The following PCDH15 variants were observed in gnomAD, a reference collection of about 807,000 sequenced individuals.
PCDH15 encodes protocadherin-15.
A neutral mutation model predicts 178.5 loss-of-function variants in PCDH15; 129 were observed. That is an observed-to-expected ratio of 0.72 (90% CI 0.63 to 0.84). The LOEUF (loss-of-function observed/expected upper bound fraction) is 0.84, where lower values mean the gene tolerates loss of function less well. Ranked by LOEUF, PCDH15 falls within the 40% of genes least tolerant of loss-of-function variation. The probability of loss-of-function intolerance (pLI) is 0.00; values close to 1 mark genes in which losing one functional copy is unlikely to be tolerated. For synonymous variants in PCDH15, 800 were observed against 732.0 expected, an observed-to-expected ratio of 1.09 and a Z score of -1.50; for missense variants, 2,230 against 2,099.9, an observed-to-expected ratio of 1.06 and a Z score of -1.21.
chr10:53,828,694 CAG>C (rs2076848560), intron 30 of PCDH15, 121 bp from the exon 31 acceptor site: 2 of 869,756 alleles, frequency 2.3e-6, no homozygotes, highest in South Asian at 3.0e-5. Flanking sequence ...TTCATAATGA[CAG>C]AGTTAATGAC....
At chr10:54,839,730 T>C (rs1226716331) in intron 3 of PCDH15, among the ~76,000 whole-genome samples, 2 of 152,052 alleles carry the variant, frequency 1.3e-5, no homozygotes, top group Non-Finnish European at 2.9e-5. Flanking sequence ...TTGCCAAATG[T>C]TAGACCAAAC....
At chr10:54,754,530 T>A (rs2133045053) in intron 1 of PCDH15, among the ~76,000 whole-genome samples, 1 of 152,318 alleles carries the variant, frequency 6.6e-6, no homozygotes, top group Middle Eastern at 3.4e-3. Flanking sequence ...GGAAAATTTT[T>A]GTATCAATTT....
chr10:55,616,039 C>A (rs1234186058), intron 2 of PCDH15, among the ~76,000 whole-genome samples: 1 of 152,176 alleles, frequency 6.6e-6, no homozygotes, highest in Non-Finnish European at 1.5e-5. Flanking sequence ...CAATTGAAAT[C>A]TGGAGTCAGA....
At chr10:54,847,802 T>A (rs1056540855) in intron 3 of PCDH15, among the ~76,000 whole-genome samples, 1 of 152,210 alleles carries the variant, frequency 6.6e-6, no homozygotes, top group Non-Finnish European at 1.5e-5. Flanking sequence ...AATTCACTAG[T>A]ATTTTTCTCC....
At chr10:55,557,695 T>C (rs917418082) in intron 2 of PCDH15, among the ~76,000 whole-genome samples, 3 of 152,070 alleles carry the variant, frequency 2.0e-5, no homozygotes, top group Admixed American at 2.0e-4. Context: ...TTCAGAGTAA[T>C]GAAGGATTGC....
At chr10:55,254,735 A>C (rs1841942440) in intron 1 of PCDH15, among the ~76,000 whole-genome samples, 1 of 152,142 alleles carries the variant, frequency 6.6e-6, no homozygotes, top group African/African-American at 2.4e-5. Flanking sequence ...ACATTTCATA[A>C]ATGGGGGAGG....
chr10:54,586,886 A>G (rs957254813), intron 2 of PCDH15, among the ~76,000 whole-genome samples: 1 of 152,182 alleles, frequency 6.6e-6, no homozygotes, highest in Non-Finnish European at 1.5e-5. Flanking sequence ...TTTCAAATGA[A>G]TTCCAAAAGT....
At chr10:55,567,769 G>A (rs962544600) in intron 2 of PCDH15, among the ~76,000 whole-genome samples, 1 of 151,678 alleles carries the variant, frequency 6.6e-6, no homozygotes, top group Non-Finnish European at 1.5e-5. Context: ...CGCGATGACT[G>A]GGTGTTCACA....
At chr10:54,853,123 G>C (rs1953656971) in intron 3 of PCDH15, among the ~76,000 whole-genome samples, 1 of 150,086 alleles carries the variant, frequency 6.7e-6, no homozygotes, top group African/African-American at 2.4e-5. Flanking sequence ...AGCTGGGCAT[G>C]GTGGCGCATG....
chr10:55,595,025 A>C (rs1324639955), intron 2 of PCDH15, among the ~76,000 whole-genome samples: 2 of 152,086 alleles, frequency 1.3e-5, no homozygotes, highest in South Asian at 2.1e-4. Context: ...AATCATATTT[A>C]TCACCCATGG....
At chr10:54,645,354 A>C (rs2094107764) in intron 2 of PCDH15, among the ~76,000 whole-genome samples, 1 of 152,144 alleles carries the variant, frequency 6.6e-6, no homozygotes, top group African/African-American at 2.4e-5. Flanking sequence ...GAAAAGTGAG[A>C]ATAGAAGAGA....
At chr10:55,300,282 C>T (rs1162500411) in intron 1 of PCDH15, among the ~76,000 whole-genome samples, 1 of 152,108 alleles carries the variant, frequency 6.6e-6, no homozygotes, top group East Asian at 1.9e-4. Context: ...GTTTTCAGTA[C>T]ATACAGACAC....
At chr10:54,765,777 G>T (rs1178983034) in intron 1 of PCDH15, among the ~76,000 whole-genome samples, 1 of 152,072 alleles carries the variant, frequency 6.6e-6, no homozygotes, top group East Asian at 1.9e-4. Flanking sequence ...AAGCCATGCT[G>T]ACTTCAAAGT....
At chr10:55,100,175 T>C (rs1023303918) in intron 2 of PCDH15, among the ~76,000 whole-genome samples, 7 of 152,142 alleles carry the variant, frequency 4.6e-5, no homozygotes, top group African/African-American at 1.7e-4. Flanking sequence ...ATTCTTGTAT[T>C]TTCAGATCAG....
chr10:54,128,221 T>C (rs1343574064), intron 15 of PCDH15, among the ~76,000 whole-genome samples: 1 of 152,166 alleles, frequency 6.6e-6, no homozygotes, highest in African/African-American at 2.4e-5. Flanking sequence ...CTAACGTATC[T>C]TTTAGCTAAT....
At chr10:55,175,221 T>C (rs1057010817) in intron 1 of PCDH15, among the ~76,000 whole-genome samples, 3 of 152,154 alleles carry the variant, frequency 2.0e-5, no homozygotes, top group African/African-American at 7.2e-5. Flanking sequence ...GCCTCTCAGT[T>C]ACTCCAAACT....
At chr10:54,137,059 C>T (rs2042968934) in intron 14 of PCDH15, among the ~76,000 whole-genome samples, 1 of 152,038 alleles carries the variant, frequency 6.6e-6, no homozygotes, top group South Asian at 2.1e-4. Flanking sequence ...TCAGAGTTAG[C>T]TTTTCTAAAA....
intron 2 of PCDH15, among the ~76,000 whole-genome samples, chr10:54,942,002 T>C (rs1304468): frequency 0.17 from 25,344 of 152,034 alleles, 2,373 homozygotes; most frequent in East Asian, 0.24. Context: ...TACTAATTCC[T>C]ATCTGATTGC....
chr10:55,284,025 A>T (rs1842802946), intron 1 of PCDH15, among the ~76,000 whole-genome samples: 1 of 146,324 alleles, frequency 6.8e-6, no homozygotes, highest in Non-Finnish European at 1.5e-5. Context: ...CTTGACTCTT[A>T]AGTCATTTCC....
Sources: gnomAD v4.1 joint callset for allele counts (sites outside exome capture counted in the v4.1 genomes callset) on GRCh38, gnomAD v4.1.1 for gene constraint, MANE v1.5 for transcripts, NCBI Gene and HGNC (gene_info 2026-07-23, HGNC 2026-07-21) for gene names.